The following MICU3 variants were observed in gnomAD, a reference collection of about 807,000 sequenced individuals.
The protein encoded by MICU3 is mitochondrial calcium uptake 3, also known as calcium uptake protein 3, mitochondrial.
A neutral mutation model predicts 66.5 loss-of-function variants in MICU3; 62 were observed. That is an observed-to-expected ratio of 0.93 (90% CI 0.76 to 1.15). The LOEUF (loss-of-function observed/expected upper bound fraction) is 1.15. Ranked by LOEUF, MICU3 falls within the 50% of genes most tolerant of loss-of-function variation. The pLI is 0.00. For synonymous variants in MICU3, 308 were observed against 240.7 expected (o/e 1.28, Z -2.59); for missense variants, 779 against 664.4 (o/e 1.17, Z -1.90).
In MICU3 at chr8:17,047,997, G is replaced by A. The variant is rs147464510; in HGVS notation, c.382-16087G>A. On this transcript the variant is annotated intron_variant, in intron 1 of 14. Transcript: ENST00000318063. ...ATTTCAAATAGTGAACAACTGATAC[G>A]CAAGATAGTGGGCCATGACGAGTTA... 4.2e-4 allele frequency among the ~76,000 whole-genome samples: 64 copies of A among 152,276 alleles called. No individual in the cohort carries two copies. The South Asian group carries it at 4.8e-3, about 11-fold the overall frequency.
At chr8:17,067,234 CT>C (rs1485132594) in intron 2 of MICU3, among the ~76,000 whole-genome samples, 10 of 152,098 alleles carry the variant, frequency 6.6e-5, no homozygotes, top group Non-Finnish European at 2.9e-5. Context: ...TGAAATTTGA[CT>C]TGTGTTTAAA....
At chr8:17,031,305 T>TA (rs1812025286) in intron 1 of MICU3, among the ~76,000 whole-genome samples, 1 of 149,716 alleles carries the variant, frequency 6.7e-6, no homozygotes, top group Non-Finnish European at 1.5e-5. Flanking sequence ...ATTATTATTT[T>TA]GAGACATAGC....
At position 17,027,269 on chromosome 8, in the gene MICU3, C is replaced by T. The variant is rs753795183; in HGVS notation, c.-11C>T. The T allele has an allele frequency of 2.8e-5, 32 of 1,163,444 alleles. No homozygotes were observed. The East Asian group carries it at 3.5e-4, about 13-fold the overall frequency. 72.1% of individuals were successfully genotyped at this position (1,163,444 alleles called of 1,614,324 possible). A position where few individuals can be genotyped will look rare whatever the true frequency, so the allele number is the denominator to read the frequency against. On this transcript the variant is annotated 5_prime_UTR_variant, in exon 1 of 15. Transcript: ENST00000318063. The stretch of plus-strand genomic sequence containing the variant: ...TGCCCCCTCCCAGCTCTGGTGTGGG[C>T]GGCCTCCGCTATGGCTGCGCTGCGA...
intron 3 of MICU3, among the ~76,000 whole-genome samples, chr8:17,074,664 T>C (rs1274906761): frequency 1.3e-5 from 2 of 151,420 alleles, no homozygotes; most frequent in Non-Finnish European, 2.9e-5. Context: ...GACAATTAAC[T>C]TTAGTCTAAA....
intron 11 of MICU3, among the ~76,000 whole-genome samples, chr8:17,109,286 G>A (rs887418805): frequency 6.6e-6 from 1 of 152,054 alleles, no homozygotes; most frequent in East Asian, 1.9e-4. Flanking sequence ...TGGATAGATG[G>A]TATTTTAAAA....
chr8:17,135,980 C>T, the MICU3 span, among the ~76,000 whole-genome samples: 9 of 152,082 alleles, frequency 5.9e-5, no homozygotes, highest in South Asian at 8.3e-4. Flanking sequence ...AAGTTGACTT[C>T]TCTATGTTAG....
At chr8:17,079,853 G>A (rs1002182114) in intron 4 of MICU3, among the ~76,000 whole-genome samples, 1 of 152,040 alleles carries the variant, frequency 6.6e-6, no homozygotes, top group African/African-American at 2.4e-5. Flanking sequence ...GAGAGAAAAT[G>A]TTATGCATTT....
At chr8:17,110,070 G>A (rs1334315254) in intron 11 of MICU3, among the ~76,000 whole-genome samples, 3 of 152,054 alleles carry the variant, frequency 2.0e-5, no homozygotes. Flanking sequence ...TATATATTGT[G>A]GCATAATTTA....
At chr8:17,057,513 A>T (rs1280428815) in intron 1 of MICU3, among the ~76,000 whole-genome samples, 1 of 152,136 alleles carries the variant, frequency 6.6e-6, no homozygotes, top group East Asian at 1.9e-4. Flanking sequence ...ATTAGAGCAA[A>T]TTTTTAACAT....
At chr8:17,063,996 T>A (rs1818280770) in intron 1 of MICU3, 88 bp from the exon 2 acceptor site, 1 of 956,154 alleles carries the variant, frequency 1.0e-6, no homozygotes. Flanking sequence ...ATTTACTCTG[T>A]TTATTCACTT....
intron 1 of MICU3, among the ~76,000 whole-genome samples, chr8:17,054,531 G>A (rs541049550): frequency 1.3e-3 from 204 of 152,178 alleles, no homozygotes; most frequent in African/African-American, 4.7e-3. Context: ...TAATTATAGA[G>A]CAAAATGTGA....
At chr8:17,037,187 CT>C (rs201232077) in intron 1 of MICU3, among the ~76,000 whole-genome samples, 5,887 of 152,282 alleles carry the variant, frequency 0.039, 171 homozygotes, top group Non-Finnish European at 0.059. Context: ...CCAGTTCCTG[CT>C]CGCGCCTCTC....
Position 17,122,481 on chromosome 8 carries a change from A to G in MICU3, c.*2194A>G, listed in dbSNP as rs531699080. 2.6e-5 allele frequency: 4 copies of G among 152,074 alleles called. No homozygotes were observed. In the South Asian group the frequency reaches 6.2e-4, roughly 24 times the overall value. The allele number at this position is 152,074 out of a possible 1,614,324, so 9.4% of individuals were successfully genotyped here. ...TCATATTAAACTTTTTACAGAAAGCATACATGATAAACAGTTTATGGTACT... is the reference window on the plus strand; with the variant it reads ...TCATATTAAACTTTTTACAGAAAGCGTACATGATAAACAGTTTATGGTACT... On this transcript the variant is annotated 3_prime_UTR_variant, in exon 15 of 15. Coordinates refer to ENST00000318063, the MANE Select transcript of MICU3 (RefSeq NM_181723.3).
At position 17,032,883 on chromosome 8, in the gene MICU3, G is replaced by A. The variant is rs560899253; in HGVS notation, c.381+5223G>A. On this transcript the variant is annotated intron_variant, in intron 1 of 14. Coordinates refer to ENST00000318063, the MANE Select transcript of MICU3 (RefSeq NM_181723.3). ...TTCTTGCAGTATTTCAGACTTTTTC[G>A]TTATTATTTTATCTGTTATGGTAAT... Among the ~76,000 whole-genome samples the A allele has an allele frequency of 2.6e-4, 40 of 152,148 alleles. No homozygotes were observed. In the South Asian group the frequency reaches 6.6e-3, roughly 25 times the overall value.
intron 3 of MICU3, among the ~76,000 whole-genome samples, chr8:17,075,138 G>A (rs1235410950): frequency 1.3e-5 from 2 of 152,132 alleles, no homozygotes; most frequent in East Asian, 3.9e-4. Context: ...GGCAAGGTCT[G>A]GGAAGGTCCT....
chr8:17,031,393 C>G (rs1200945612), intron 1 of MICU3, among the ~76,000 whole-genome samples: 1 of 151,488 alleles, frequency 6.6e-6, no homozygotes, highest in Non-Finnish European at 1.5e-5. Context: ...TCAAGTGATT[C>G]TTCCACCTCA....
chr8:17,135,678 C>T, the MICU3 span, among the ~76,000 whole-genome samples: 6 of 152,008 alleles, frequency 3.9e-5, no homozygotes, highest in Non-Finnish European at 1.5e-5. Context: ...ATAGAGGCAG[C>T]AGAAATCTTT....
intron 6 of MICU3, 26 bp downstream of exon 6, chr8:17,085,344 A>C: frequency 7.4e-7 from 1 of 1,355,874 alleles, no homozygotes; most frequent in Non-Finnish European, 1.0e-6. Flanking sequence ...GCTGCACTTT[A>C]TCAATAATTA....
At chr8:17,084,002 T>C (rs866464735) in intron 5 of MICU3, among the ~76,000 whole-genome samples, 12 of 152,182 alleles carry the variant, frequency 7.9e-5, no homozygotes, top group Non-Finnish European at 1.8e-4. Context: ...TTAGGATCTT[T>C]GGGTGCTGTG....
Sources: allele counts gnomAD v4.1 joint callset (sites outside exome capture counted in the v4.1 genomes callset), GRCh38; gene constraint gnomAD v4.1.1; transcripts MANE v1.5; gene names NCBI Gene and HGNC (gene_info 2026-07-23, HGNC 2026-07-21).